The following GPC5 variants were observed in gnomAD, a reference collection of about 807,000 sequenced individuals.
GPC5 encodes glypican-5.
GPC5 carries 47 observed loss-of-function variants against 53.9 expected under a neutral mutation model. That is an observed-to-expected ratio of 0.87 (90% confidence interval 0.69 to 1.11). The LOEUF (loss-of-function observed/expected upper bound fraction) is 1.11. Among genes scored for constraint, GPC5 ranks in the 50% most tolerant of loss-of-function variants. GPC5 has a pLI of 0.00. For missense variants in GPC5, 748 were observed against 713.1 expected, an observed-to-expected ratio of 1.05 and a Z score of -0.56; for synonymous variants, 286 against 263.3, an observed-to-expected ratio of 1.09 and a Z score of -0.84.
chr13:92,827,235 A>T (rs761053392), intron 7 of GPC5, among the ~76,000 whole-genome samples: 6 of 152,174 alleles, frequency 3.9e-5, no homozygotes, highest in Non-Finnish European at 8.8e-5. Context: ...TCTGACCTTC[A>T]GAGTAGGATT....
chr13:91,951,605 G>T (rs1003761294), intron 6 of GPC5, among the ~76,000 whole-genome samples: 3 of 152,112 alleles, frequency 2.0e-5, no homozygotes, highest in Non-Finnish European at 4.4e-5. Context: ...ATTTATTACA[G>T]AAAACAGAAG....
intron 7 of GPC5, among the ~76,000 whole-genome samples, chr13:92,296,970 G>A (rs2043040550): frequency 6.6e-6 from 1 of 152,130 alleles, no homozygotes; most frequent in East Asian, 1.9e-4. Context: ...GCTCCTGTGT[G>A]GCCCGAGCCT....
intron 7 of GPC5, among the ~76,000 whole-genome samples, chr13:92,356,830 C>T (rs2043526330): frequency 1.3e-5 from 2 of 152,138 alleles, no homozygotes; most frequent in Admixed American, 6.5e-5. Context: ...GTCTAGTACT[C>T]AGTAGTTATT....
intron 7 of GPC5, among the ~76,000 whole-genome samples, chr13:92,390,555 T>C (rs1462007133): frequency 6.6e-6 from 1 of 152,138 alleles, no homozygotes; most frequent in African/African-American, 2.4e-5. Flanking sequence ...TTTAAACACC[T>C]GGTGCTTTTT....
chr13:91,586,921 A>C (rs553134915), intron 2 of GPC5, among the ~76,000 whole-genome samples: 1 of 152,066 alleles, frequency 6.6e-6, no homozygotes, highest in African/African-American at 2.4e-5. Flanking sequence ...TATGTTTATA[A>C]TAAATTTGGG....
intron 7 of GPC5, among the ~76,000 whole-genome samples, chr13:92,643,773 T>C (rs1279648359): frequency 6.7e-6 from 1 of 150,256 alleles, no homozygotes; most frequent in East Asian, 1.9e-4. Context: ...ATATACCTAA[T>C]GCTAGATGAC....
At chr13:91,478,818 T>TAC (rs1396187427) in intron 2 of GPC5, among the ~76,000 whole-genome samples, 22 of 111,504 alleles carry the variant, frequency 2.0e-4, no homozygotes, top group Non-Finnish European at 2.9e-4. Flanking sequence ...TATATATATA[T>TAC]ATATACACAC....
At chr13:91,437,676 T>C (rs559465132) in intron 1 of GPC5, among the ~76,000 whole-genome samples, 6 of 152,318 alleles carry the variant, frequency 3.9e-5, no homozygotes, top group Non-Finnish European at 7.3e-5. Context: ...TGTGGCGTTC[T>C]CTGTATTTCC....
intron 7 of GPC5, among the ~76,000 whole-genome samples, chr13:92,520,996 A>G (rs1336387405): frequency 2.0e-5 from 3 of 152,200 alleles, no homozygotes; most frequent in Admixed American, 6.5e-5. Flanking sequence ...ACAAACAGAG[A>G]GCCAAATCAT....
At chr13:91,504,271 A>G (rs949100628) in intron 2 of GPC5, among the ~76,000 whole-genome samples, 3 of 152,154 alleles carry the variant, frequency 2.0e-5, no homozygotes, top group Non-Finnish European at 4.4e-5. Flanking sequence ...ATGTGACTTT[A>G]AAAATCCAAA....
At chr13:91,678,369 T>C (rs1390626914) in intron 2 of GPC5, among the ~76,000 whole-genome samples, 1 of 152,224 alleles carries the variant, frequency 6.6e-6, no homozygotes, top group Non-Finnish European at 1.5e-5. Context: ...TACTTTAGTA[T>C]GCATTTGTAT....
chr13:92,369,403 C>A (rs957701809), intron 7 of GPC5, among the ~76,000 whole-genome samples: 8 of 152,296 alleles, frequency 5.3e-5, no homozygotes, highest in African/African-American at 1.4e-4. Context: ...GTCTTGAACT[C>A]CTGGCCTCAA....
At chr13:92,118,457 T>TA (rs1342375140) in intron 6 of GPC5, among the ~76,000 whole-genome samples, 1 of 152,202 alleles carries the variant, frequency 6.6e-6, no homozygotes, top group Non-Finnish European at 1.5e-5. Context: ...TCTAAGTGCC[T>TA]GTGCATTGCT....
chr13:91,848,611 G>T (rs772414325), intron 5 of GPC5, among the ~76,000 whole-genome samples: 8 of 152,126 alleles, frequency 5.3e-5, no homozygotes, highest in Non-Finnish European at 1.0e-4. Flanking sequence ...GTAGAAAAGA[G>T]GATGTTCTAA....
At chr13:91,515,222 C>CTG in intron 2 of GPC5, among the ~76,000 whole-genome samples, 1 of 152,164 alleles carries the variant, frequency 6.6e-6, no homozygotes, top group East Asian at 1.9e-4. Flanking sequence ...CAACTTTATG[C>CTG]TGTAATTTGA....
chr13:92,629,179 C>T (rs1482723557), intron 7 of GPC5, among the ~76,000 whole-genome samples: 2 of 152,178 alleles, frequency 1.3e-5, no homozygotes, highest in Non-Finnish European at 2.9e-5. Context: ...TCTTTTGGAG[C>T]TTACCTCACT....
chr13:91,711,219 T>C (rs1029815969), intron 3 of GPC5, among the ~76,000 whole-genome samples: 3 of 152,210 alleles, frequency 2.0e-5, no homozygotes, highest in African/African-American at 7.2e-5. Flanking sequence ...TGTCCATGAA[T>C]GATAGACTGG....
chr13:91,793,861 GA>G (rs1198884257), intron 5 of GPC5, among the ~76,000 whole-genome samples: 2 of 151,994 alleles, frequency 1.3e-5, no homozygotes, highest in Non-Finnish European at 2.9e-5. Context: ...CAGTATGGGG[GA>G]AACCACCCCC....
chr13:91,762,079 C>T (rs2037424590), intron 5 of GPC5, among the ~76,000 whole-genome samples: 1 of 152,210 alleles, frequency 6.6e-6, no homozygotes, highest in Non-Finnish European at 1.5e-5. Context: ...ATTATTTCTA[C>T]TTCATCTTGA....
Sources: gnomAD v4.1 joint callset for allele counts (sites outside exome capture counted in the v4.1 genomes callset) on GRCh38, gnomAD v4.1.1 for gene constraint, MANE v1.5 for transcripts, NCBI Gene and HGNC (gene_info 2026-07-23, HGNC 2026-07-21) for gene names.